The following NRG1 variants were observed in gnomAD, a reference collection of about 807,000 sequenced individuals.
NRG1 encodes pro-neuregulin-1, membrane-bound isoform.
A neutral mutation model predicts 63.8 loss-of-function variants in NRG1; 18 were observed. The observed-to-expected ratio is 0.28, with a 90% CI of 0.19 to 0.42. The LOEUF (loss-of-function observed/expected upper bound fraction) is 0.42, where lower values mean the gene tolerates loss of function less well. NRG1 is among the 10% of genes least tolerant of loss of function. The pLI is 1.00. For missense variants in NRG1, 762 were observed against 814.7 expected (o/e 0.94, Z 0.79); for synonymous variants, 302 against 301.3 (o/e 1.00, Z -0.02).
chr8:32,567,311 G>A (rs73234154), intron 1 of NRG1, among the ~76,000 whole-genome samples: 15,790 of 152,214 alleles, frequency 0.1, 1,054 homozygotes, highest in South Asian at 0.15. Context: ...TCAATGAAAT[G>A]GGGCAAAATA....
chr8:32,609,657 CTT>C (rs1846011920), intron 3 of NRG1, among the ~76,000 whole-genome samples: 1 of 126,234 alleles, frequency 7.9e-6, no homozygotes, highest in Non-Finnish European at 1.6e-5. Context: ...CTCTCTCTCT[CTT>C]TCCTTTTTTT....
intron 1 of NRG1, chr8:32,139,538 A>G (rs1480273735): frequency 6.6e-6 from 1 of 152,266 alleles, no homozygotes. Context: ...CATATAGACA[A>G]ATAATAGAAA....
intron 1 of NRG1, among the ~76,000 whole-genome samples, chr8:32,429,842 T>C (rs771061385): frequency 1.3e-5 from 2 of 152,158 alleles, no homozygotes; most frequent in Non-Finnish European, 2.9e-5. Context: ...ACCTATACCA[T>C]GACTGATAAC....
intron 1 of NRG1, among the ~76,000 whole-genome samples, chr8:32,105,064 TGGTA>T (rs1165800015): frequency 6.6e-6 from 1 of 152,150 alleles, no homozygotes; most frequent in East Asian, 1.9e-4. Flanking sequence ...CTCATACAAG[TGGTA>T]GTGCAGTAGG....
chr8:31,705,032 T>C (rs1224725066), intron 1 of NRG1, among the ~76,000 whole-genome samples: 1 of 151,680 alleles, frequency 6.6e-6, no homozygotes, highest in East Asian at 2.0e-4. Context: ...CAAGGTTTTT[T>C]TGTTTTGTTT....
chr8:32,689,525 C>T (rs1336031732), intron 5 of NRG1, among the ~76,000 whole-genome samples: 1 of 151,990 alleles, frequency 6.6e-6, no homozygotes, highest in African/African-American at 2.4e-5. Flanking sequence ...AGCTGAGATA[C>T]CTGCAATTGT....
intron 5 of NRG1, chr8:32,647,669 G>A (rs769879872): frequency 2.2e-5 from 33 of 1,503,674 alleles, no homozygotes; most frequent in Admixed American, 2.0e-4. Context: ...GGGCCTCTGC[G>A]TGGTAATGGA....
At chr8:32,726,033 T>A (rs1822090320) in intron 5 of NRG1, among the ~76,000 whole-genome samples, 1 of 152,142 alleles carries the variant, frequency 6.6e-6, no homozygotes, top group Non-Finnish European at 1.5e-5. Context: ...TTCCTTTTGT[T>A]TAGTTTGTTT....
chr8:32,516,360 A>G (rs1320190675), intron 1 of NRG1, among the ~76,000 whole-genome samples: 1 of 152,088 alleles, frequency 6.6e-6, no homozygotes, highest in African/African-American at 2.4e-5. Context: ...GTTCAGTGAT[A>G]TGATGCCTCT....
chr8:32,423,355 G>A (rs192173803), intron 1 of NRG1, among the ~76,000 whole-genome samples: 5 of 152,262 alleles, frequency 3.3e-5, no homozygotes, highest in African/African-American at 1.2e-4. Flanking sequence ...ATAAGGTCTG[G>A]TCTACATGAA....
chr8:31,651,006 T>C (rs1374772348), intron 1 of NRG1, among the ~76,000 whole-genome samples: 2 of 152,200 alleles, frequency 1.3e-5, no homozygotes, highest in African/African-American at 2.4e-5. Flanking sequence ...GACCCAAACA[T>C]AGAAATCTCC....
At chr8:32,596,298 A>G (rs1390146897) in intron 2 of NRG1, among the ~76,000 whole-genome samples, 1 of 152,138 alleles carries the variant, frequency 6.6e-6, no homozygotes, top group Non-Finnish European at 1.5e-5. Flanking sequence ...CTGTCATAGT[A>G]ATAGATCCTA....
chr8:31,652,239 G>A (rs558074957), intron 1 of NRG1, among the ~76,000 whole-genome samples: 31 of 152,198 alleles, frequency 2.0e-4, no homozygotes, highest in African/African-American at 6.7e-4. Flanking sequence ...CTGATTCTAC[G>A]TCCTTAACAA....
In NRG1 at chr8:32,284,493, T is replaced by TCCTG. The variant is rs1465156703; in HGVS notation, c.38-311332_38-311331insGCCT. Among the ~76,000 whole-genome samples the TCCTG allele has an allele frequency of 2.2e-4, 6 of 27,566 alleles. 1 individual carries two copies. The East Asian group carries it at 0.01, about 47-fold the overall frequency. The allele number at this position is 27,566 out of a possible 152,430, so 18.1% of individuals were successfully genotyped here. The stretch of plus-strand genomic sequence containing the variant: ...TGCTTGCCTCCCTGCCTGCCTGCCT[T>TCCTG]CCTTCCTTCCTTCCTTCCTTCCTTC... On this transcript the variant is annotated intron_variant, in intron 1 of 10. Transcript: ENST00000519301.
intron 1 of NRG1, among the ~76,000 whole-genome samples, chr8:32,468,839 CTCT>C (rs1189908410): frequency 6.6e-6 from 1 of 151,504 alleles, no homozygotes; most frequent in African/African-American, 2.4e-5. Flanking sequence ...TTGGAAGTGT[CTCT>C]TCTTTTGGAA....
intron 1 of NRG1, among the ~76,000 whole-genome samples, chr8:31,766,284 C>T (rs1007413116): frequency 2.6e-5 from 4 of 152,096 alleles, no homozygotes; most frequent in Non-Finnish European, 4.4e-5. Context: ...AAAAAAGATC[C>T]CCTGAGTTGT....
chr8:31,937,901 C>T (rs1563591034), intron 1 of NRG1, among the ~76,000 whole-genome samples: 2 of 152,180 alleles, frequency 1.3e-5, no homozygotes, highest in Non-Finnish European at 2.9e-5. Context: ...ACACACCTAT[C>T]CCTGCCTCCA....
At chr8:31,742,478 T>TTTTTTTTTTTG (rs1815390166) in intron 1 of NRG1, among the ~76,000 whole-genome samples, 1 of 144,660 alleles carries the variant, frequency 6.9e-6, no homozygotes, top group Non-Finnish European at 1.5e-5. Context: ...TTTTTTTTTT[T>TTTTTTTTTTTG]TTTAACGAAA....
At chr8:31,819,509 T>C (rs1376029547) in intron 1 of NRG1, among the ~76,000 whole-genome samples, 3 of 152,202 alleles carry the variant, frequency 2.0e-5, no homozygotes. Context: ...CCAGAATCCT[T>C]TCCTTCGAAT....
Sources: allele counts gnomAD v4.1 joint callset (sites outside exome capture counted in the v4.1 genomes callset), GRCh38; gene constraint gnomAD v4.1.1; transcripts MANE v1.5; gene names NCBI Gene and HGNC (gene_info 2026-07-23, HGNC 2026-07-21).